Variants in CCNY observed in about 807,000 individuals in gnomAD.
CCNY encodes the protein cyclin Y.
CCNY carries 19 observed loss-of-function variants against 42.8 expected under a neutral mutation model. That is an observed-to-expected ratio of 0.44 (90% CI 0.31 to 0.65). The LOEUF (loss-of-function observed/expected upper bound fraction) is 0.65, where lower values mean the gene tolerates loss of function less well. CCNY is among the 30% of genes least tolerant of loss of function. The pLI is 0.07. For synonymous variants in CCNY, 165 were observed against 162.7 expected, an observed-to-expected ratio of 1.01 and a Z score of -0.11; for missense variants, 370 against 437.3, an observed-to-expected ratio of 0.85 and a Z score of 1.37.
At chr10:35,381,260 C>A (rs1475078298) in intron 1 of CCNY, among the ~76,000 whole-genome samples, 1 of 152,090 alleles carries the variant, frequency 6.6e-6, no homozygotes, top group East Asian at 1.9e-4. Context: ...GAGTACTTAG[C>A]CTTTAATAGA....
chr10:35,549,808 C>T (rs1408544170), intron 7 of CCNY, among the ~76,000 whole-genome samples: 6 of 57,026 alleles, frequency 1.1e-4, no homozygotes, highest in East Asian at 6.6e-4. Context: ...CGTGACCCTG[C>T]GCTGCTCATG....
chr10:35,281,386 TC>T (rs1313939172), intron 3 of CCNY, among the ~76,000 whole-genome samples: 1 of 151,960 alleles, frequency 6.6e-6, no homozygotes, highest in Admixed American at 6.6e-5. Context: ...GCAACCTCCT[TC>T]CCCCTGGGTT....
chr10:35,247,861 G>A (rs2095709192), intron 1 of CCNY, among the ~76,000 whole-genome samples: 1 of 108,198 alleles, frequency 9.2e-6, no homozygotes, highest in South Asian at 2.9e-4. Flanking sequence ...GGGTGACAGA[G>A]CAAGACTCCA....
chr10:35,364,451 G>A (rs1272425411), intron 1 of CCNY, among the ~76,000 whole-genome samples: 1 of 152,154 alleles, frequency 6.6e-6, no homozygotes, highest in Non-Finnish European at 1.5e-5. Context: ...CTGACCATCA[G>A]ATGTATGTTT....
chr10:35,376,174 CA>C (rs1305909892), intron 1 of CCNY, among the ~76,000 whole-genome samples: 1 of 152,084 alleles, frequency 6.6e-6, no homozygotes, highest in Non-Finnish European at 1.5e-5. Flanking sequence ...CACAGGACAC[CA>C]TGTATAGTGT....
intron 8 of CCNY, among the ~76,000 whole-genome samples, chr10:35,563,392 A>C (rs553717751): frequency 6.6e-6 from 1 of 152,088 alleles, no homozygotes; most frequent in South Asian, 2.1e-4. Flanking sequence ...TGGTGTCTGT[A>C]TATCATTTTG....
chr10:35,278,327 C>A (rs1835261766), intron 3 of CCNY, among the ~76,000 whole-genome samples: 1 of 152,046 alleles, frequency 6.6e-6, no homozygotes, highest in African/African-American at 2.4e-5. Context: ...GCCGAAGGAG[C>A]TGGAGAATAC....
At position 35,303,294 on chromosome 10, in the gene CCNY, C is replaced by T. The variant is rs1835559779; in HGVS notation, c.-9+52668C>T. On this transcript the variant is annotated intron_variant, in intron 3 of 11. Coordinates refer to the CCNY transcript ENST00000374706. ...CTCCTGGGTTCAAGCAATTCTCCTG[C>T]CTCAGCCTCCCGAGTAGCTGGGATT... is the stretch of plus-strand genomic sequence containing the variant. Among the ~76,000 whole-genome samples the T allele has an allele frequency of 2.0e-5, 3 of 151,758 alleles. No individual in the cohort carries two copies. In the South Asian group the frequency reaches 6.2e-4, roughly 32 times the overall value.
intron 1 of CCNY, among the ~76,000 whole-genome samples, chr10:35,338,759 G>A (rs1836109247): frequency 6.6e-6 from 1 of 152,082 alleles, no homozygotes; most frequent in Non-Finnish European, 1.5e-5. Flanking sequence ...TTTTTATGTT[G>A]TGCAGTATCT....
intron 1 of CCNY, among the ~76,000 whole-genome samples, chr10:35,363,224 G>A (rs975867076): frequency 1.3e-5 from 2 of 151,310 alleles, no homozygotes; most frequent in African/African-American, 4.9e-5. Flanking sequence ...CTTCCCAGAC[G>A]GTGGAGTGGC....
intron 3 of CCNY, chr10:35,314,418 C>T (rs989644525): frequency 6.6e-6 from 1 of 152,062 alleles, no homozygotes; most frequent in African/African-American, 2.4e-5. Flanking sequence ...ACCAAGAGAA[C>T]AGTATGGGGT....
chr10:35,488,736 A>G (rs1240418638), intron 2 of CCNY, among the ~76,000 whole-genome samples: 4 of 152,178 alleles, frequency 2.6e-5, no homozygotes, highest in Admixed American at 2.6e-4. Flanking sequence ...ATAAACGTTG[A>G]TATTTTAAAA....
At chr10:35,402,297 G>A (rs551556454) in intron 1 of CCNY, among the ~76,000 whole-genome samples, 4 of 152,222 alleles carry the variant, frequency 2.6e-5, no homozygotes, top group African/African-American at 7.2e-5. Context: ...AAAACTAAAC[G>A]GAAGACACAA....
intron 1 of CCNY, among the ~76,000 whole-genome samples, chr10:35,471,893 A>G (rs1368809390): frequency 1.3e-5 from 2 of 152,212 alleles, no homozygotes; most frequent in Non-Finnish European, 2.9e-5. Context: ...AGGTTAATTT[A>G]TGGATTATCT....
chr10:35,531,124 A>G (rs898709354), intron 7 of CCNY, among the ~76,000 whole-genome samples: 13 of 152,246 alleles, frequency 8.5e-5, no homozygotes, highest in African/African-American at 2.4e-4. Flanking sequence ...ATTTAGGTCA[A>G]ATCTCACTTG....
At chr10:35,520,116 A>G (rs1418042818) in intron 4 of CCNY, among the ~76,000 whole-genome samples, 1 of 152,158 alleles carries the variant, frequency 6.6e-6, no homozygotes, top group South Asian at 2.1e-4. Context: ...GGGTGGGACC[A>G]ACTGAAGTAG....
chr10:35,478,352 C>T (rs1839570325), intron 1 of CCNY, among the ~76,000 whole-genome samples: 4 of 151,834 alleles, frequency 2.6e-5, no homozygotes, highest in African/African-American at 7.3e-5. Context: ...GCCAAAAGAA[C>T]AAAGCTGGAG....
At chr10:35,506,167 C>CG (rs775406328) in intron 3 of CCNY, among the ~76,000 whole-genome samples, 4 of 152,092 alleles carry the variant, frequency 2.6e-5, no homozygotes, top group African/African-American at 9.7e-5. Context: ...TGAAAGAAGA[C>CG]TAAGTTTTTA....
chr10:35,526,028 T>C, intron 5 of CCNY, 29 bp downstream of exon 5: 1 of 1,583,446 alleles, frequency 6.3e-7, no homozygotes, highest in Non-Finnish European at 8.7e-7. Context: ...GCTAAAAACA[T>C]CATACGTTAT....
Sources: gnomAD v4.1 joint callset for allele counts (sites outside exome capture counted in the v4.1 genomes callset) on GRCh38, gnomAD v4.1.1 for gene constraint, MANE v1.5 for transcripts, NCBI Gene and HGNC (gene_info 2026-07-23, HGNC 2026-07-21) for gene names.